Variants in INPP4B observed in about 807,000 individuals in gnomAD.
The protein encoded by INPP4B is inositol polyphosphate-4-phosphatase type II B.
In INPP4B, 55 loss-of-function variants were observed where a neutral mutation model predicts 122.5. That is an observed-to-expected ratio of 0.45 (90% CI 0.36 to 0.56). INPP4B has a LOEUF of 0.56. Among genes scored for constraint, INPP4B ranks in the 20% least tolerant of loss-of-function variants. The probability of loss-of-function intolerance (pLI) is 0.00; values close to 1 mark genes in which losing one functional copy is unlikely to be tolerated. For synonymous variants in INPP4B, 403 were observed against 388.7 expected, an observed-to-expected ratio of 1.04 and a Z score of -0.43; for missense variants, 1,000 against 1,097.7, an observed-to-expected ratio of 0.91 and a Z score of 1.26.
intron 12 of INPP4B, among the ~76,000 whole-genome samples, chr4:142,231,357 AG>A (rs1854289498): frequency 6.6e-6 from 1 of 152,208 alleles, no homozygotes. Context: ...ATAAGCAAAC[AG>A]TGCACATATA....
At chr4:142,404,205 A>T (rs1426435301) in intron 6 of INPP4B, among the ~76,000 whole-genome samples, 1 of 152,218 alleles carries the variant, frequency 6.6e-6, no homozygotes, top group East Asian at 1.9e-4. Flanking sequence ...TCAGGGCTAC[A>T]TGCAGTATCT....
At chr4:142,178,345 G>C (rs1325328939) in intron 15 of INPP4B, among the ~76,000 whole-genome samples, 1 of 152,040 alleles carries the variant, frequency 6.6e-6, no homozygotes, top group Non-Finnish European at 1.5e-5. Context: ...TCACAAACTG[G>C]TTTCCGTATC....
At chr4:142,167,059 T>C (rs1823131708) in intron 16 of INPP4B, among the ~76,000 whole-genome samples, 1 of 151,872 alleles carries the variant, frequency 6.6e-6, no homozygotes, top group African/African-American at 2.4e-5. Flanking sequence ...CCCAAAGGAA[T>C]ATAAATCATT....
intron 9 of INPP4B, among the ~76,000 whole-genome samples, chr4:142,282,449 T>C (rs1453113075): frequency 6.6e-6 from 1 of 152,130 alleles, no homozygotes; most frequent in Non-Finnish European, 1.5e-5. Flanking sequence ...ACTGGACTTA[T>C]TATCTCACAG....
intron 1 of INPP4B, among the ~76,000 whole-genome samples, chr4:142,731,132 C>G (rs943971738): frequency 6.6e-6 from 1 of 152,096 alleles, no homozygotes; most frequent in South Asian, 2.1e-4. Context: ...TCCCTTCCCC[C>G]ACCCCATTCC....
intron 2 of INPP4B, among the ~76,000 whole-genome samples, chr4:142,505,098 G>A (rs1047822156): frequency 8.6e-5 from 13 of 151,952 alleles, no homozygotes; most frequent in Admixed American, 4.6e-4. Context: ...TAAATTAGCT[G>A]GGTATAGTGG....
At position 142,471,272 on chromosome 4, in the gene INPP4B, C is replaced by T. The variant is rs78899293; in HGVS notation, c.-190-8546G>A. ...CTATACCTATCTCACAGTAAGTGTT[C>T]ATGTTTCTACAGCTATAGCTTTTTT... On this transcript the variant is annotated intron_variant, in intron 2 of 25. Coordinates refer to ENST00000262992, the MANE Select transcript of INPP4B (RefSeq NM_001101669.3). Among the ~76,000 whole-genome samples the T allele has an allele frequency of 2.5e-3, 377 of 152,192 alleles. 2 individuals are homozygous for T. The highest frequency in any genetic ancestry group is 8.5e-3 in the African/African-American group (353 of 41,548).
intron 11 of INPP4B, among the ~76,000 whole-genome samples, chr4:142,248,650 G>C (rs112452352): frequency 7.7e-6 from 1 of 130,518 alleles, no homozygotes; most frequent in Non-Finnish European, 1.7e-5. Context: ...GTGTGTGTGT[G>C]TATGTGTGTG....
At chr4:142,612,106 A>G (rs763884755) in intron 2 of INPP4B, among the ~76,000 whole-genome samples, 137 of 152,042 alleles carry the variant, frequency 9.0e-4, no homozygotes, top group Non-Finnish European at 1.5e-3. Flanking sequence ...CCCCTCTTCC[A>G]CCCAATTAAC....
At chr4:142,262,718 A>G (rs1740694516) in intron 10 of INPP4B, among the ~76,000 whole-genome samples, 1 of 152,172 alleles carries the variant, frequency 6.6e-6, no homozygotes, top group South Asian at 2.1e-4. Flanking sequence ...TGATGAATGA[A>G]TGATGATTAT....
chr4:142,734,172 G>A (rs1288964154), intron 1 of INPP4B, among the ~76,000 whole-genome samples: 1 of 152,054 alleles, frequency 6.6e-6, no homozygotes, highest in Non-Finnish European at 1.5e-5. Flanking sequence ...CTTGTAAGAC[G>A]AGAGAAAGAC....
intron 2 of INPP4B, among the ~76,000 whole-genome samples, chr4:142,597,669 A>G (rs1739011697): frequency 6.6e-6 from 1 of 152,210 alleles, no homozygotes; most frequent in African/African-American, 2.4e-5. Flanking sequence ...CTTAATGACT[A>G]TCATAAGTCA....
chr4:142,276,632 C>A (rs182794203), intron 9 of INPP4B, among the ~76,000 whole-genome samples: 1 of 151,894 alleles, frequency 6.6e-6, no homozygotes, highest in East Asian at 1.9e-4. Context: ...AAGAAAAGTT[C>A]TTAGGTTTAA....
chr4:142,363,626 A>G (rs1786320523), intron 7 of INPP4B, among the ~76,000 whole-genome samples: 1 of 152,042 alleles, frequency 6.6e-6, no homozygotes, highest in African/African-American at 2.4e-5. Flanking sequence ...AAAGCCAAGC[A>G]GAACCAAAAT....
chr4:142,697,098 A>T (rs935147150), intron 2 of INPP4B, among the ~76,000 whole-genome samples: 6 of 152,192 alleles, frequency 3.9e-5, no homozygotes, highest in African/African-American at 1.2e-4. Context: ...TATACATGTG[A>T]TGTTGATGTC....
intron 1 of INPP4B, among the ~76,000 whole-genome samples, chr4:142,794,452 T>C (rs1776962141): frequency 6.6e-6 from 1 of 151,722 alleles, no homozygotes; most frequent in Non-Finnish European, 1.5e-5. Flanking sequence ...TCACATTAGA[T>C]CCCTACTTAC....
chr4:142,478,199 G>C (rs1291434397), intron 2 of INPP4B, among the ~76,000 whole-genome samples: 1 of 152,082 alleles, frequency 6.6e-6, no homozygotes, highest in African/African-American at 2.4e-5. Flanking sequence ...AGTTTTTTCG[G>C]TATAGATGTA....
chr4:142,024,258 A>T lies in INPP4B; in HGVS notation c.*4524T>A, dbSNP rs1366944999. Reference sequence around the variant, plus strand: ...AACTGCCAAAGCAACAAAAGATATAATATATTGGGACTTTATAAGCTAAGA... The same window carrying T: ...AACTGCCAAAGCAACAAAAGATATATTATATTGGGACTTTATAAGCTAAGA... On this transcript the variant is annotated 3_prime_UTR_variant, in exon 26 of 26. Coordinates refer to ENST00000262992, the MANE Select transcript of INPP4B (RefSeq NM_001101669.3). 3 of 152,166 alleles carry T rather than the reference A, an allele frequency of 2.0e-5. No homozygotes were observed. Among genetic ancestry groups the T allele is most frequent in the Non-Finnish European group, 4.4e-5 (3 of 68,028 alleles). The allele number at this position is 152,166 out of a possible 1,614,324, so 9.4% of individuals were successfully genotyped here.
chr4:142,242,036 A>G (rs1859656685), intron 11 of INPP4B, among the ~76,000 whole-genome samples: 1 of 152,190 alleles, frequency 6.6e-6, no homozygotes, highest in African/African-American at 2.4e-5. Context: ...AGTTTTAATT[A>G]TGTAGTTGTT....
Sources: gnomAD v4.1 joint callset for allele counts (sites outside exome capture counted in the v4.1 genomes callset) on GRCh38, gnomAD v4.1.1 for gene constraint, MANE v1.5 for transcripts, NCBI Gene and HGNC (gene_info 2026-07-23, HGNC 2026-07-21) for gene names.